ABCC6: variants seen among roughly 807,000 people sequenced by gnomAD.
ABCC6 encodes ATP binding cassette subfamily C member 6, also known as ATP-binding cassette sub-family C member 6.
Under a neutral mutation model 169.5 loss-of-function variants are expected in ABCC6, and 126 were observed. That is an observed-to-expected ratio of 0.74 (90% CI 0.64 to 0.86). The LOEUF (loss-of-function observed/expected upper bound fraction) is 0.86, where lower values mean the gene tolerates loss of function less well. ABCC6 is among the 40% of genes least tolerant of loss of function. ABCC6 has a pLI of 0.00. For missense variants in ABCC6, 1,733 were observed against 1,927.2 expected, an observed-to-expected ratio of 0.90 and a Z score of 1.89; for synonymous variants, 752 against 814.7, an observed-to-expected ratio of 0.92 and a Z score of 1.31.
intron 21 of ABCC6, among the ~76,000 whole-genome samples, chr16:16,170,707 C>G (rs1279079181): frequency 6.6e-6 from 1 of 151,882 alleles, no homozygotes; most frequent in Non-Finnish European, 1.5e-5. Context: ...CACCTGAGCT[C>G]AGGAGTTTGA....
chr16:16,176,530 C>A (rs1274550974), intron 19 of ABCC6, among the ~76,000 whole-genome samples: 7 of 152,248 alleles, frequency 4.6e-5, no homozygotes, highest in Non-Finnish European at 8.8e-5. Context: ...CTGACCAACA[C>A]AAACAGGCAA....
At chr16:16,216,272 C>A (rs895516073) in intron 4 of ABCC6, among the ~76,000 whole-genome samples, 3 of 151,856 alleles carry the variant, frequency 2.0e-5, no homozygotes, top group African/African-American at 4.8e-5. Flanking sequence ...ACTATAGTCA[C>A]CCTGTTGTGC....
chr16:16,173,290 G>C lies in ABCC6; in HGVS notation c.2781C>G (p.Tyr927Ter). The change falls in exon 21 of 31, where the codon TAC becomes TAG. Residue 927 changes from tyrosine (Y) to a stop codon, truncating the protein, a stop_gained. Transcript: ENST00000205557. LOFTEE classifies it high-confidence loss of function. ...GGGTGAAGCTGGTGGTTACCCTGCC[G>C]TATTGGATGCTGTCCTTTCCTGCTG... ...GWPAGKDSIQ[Y>*]GRVKATVHLA... The C allele has an allele frequency of 6.2e-7, 1 of 1,613,972 alleles. No individual in the cohort carries two copies. The highest frequency in any genetic ancestry group is 8.5e-7 in the Non-Finnish European group (1 of 1,180,012).
At position 16,190,256 on chromosome 16, in the gene ABCC6, G is replaced by C. The variant is rs917761949; in HGVS notation, c.1543C>G (p.Leu515Val). ...GWEGAFLDRV[L>V]GIRGQELGAL... The stretch of plus-strand genomic sequence containing the variant: ...CCCAGCTCCTGGCCTCGGATGCCCA[G>C]GACTCTGTCCAGAAAGGCTCCCTCC... Residue 515 changes from leucine (L) to valine (V), a missense_variant, in exon 12 of 31, where the codon CTG becomes GTG. Physicochemically the swap from Leu to Val is conservative, Grantham distance 32. Coordinates refer to ENST00000205557, the MANE Select transcript of ABCC6 (RefSeq NM_001171.6). 2 of 1,614,012 alleles carry C rather than the reference G, an allele frequency of 1.2e-6. No homozygotes were observed. Among genetic ancestry groups the C allele is most frequent in the Non-Finnish European group, 1.7e-6 (2 of 1,180,034 alleles).
chr16:16,188,352 A>G (rs929876405), intron 13 of ABCC6, among the ~76,000 whole-genome samples: 26 of 152,082 alleles, frequency 1.7e-4, no homozygotes, highest in African/African-American at 6.0e-4. Context: ...AGATTGCACC[A>G]CTGCACTCCA....
intron 7 of ABCC6, among the ~76,000 whole-genome samples, chr16:16,206,722 C>T (rs544248081): frequency 6.6e-6 from 1 of 152,094 alleles, no homozygotes; most frequent in African/African-American, 2.4e-5. Context: ...TGTTTCTACC[C>T]TTTAGTTCTA....
At chr16:16,157,504 G>A (rs1260125766) in intron 27 of ABCC6, among the ~76,000 whole-genome samples, 159 bp downstream of exon 27, 1 of 152,160 alleles carries the variant, frequency 6.6e-6, no homozygotes, top group Non-Finnish European at 1.5e-5. Context: ...CAGGTTTGGG[G>A]AAGGTGAGGA....
chr16:16,192,640 A>T (rs1157257873), intron 11 of ABCC6, among the ~76,000 whole-genome samples, 190 bp downstream of exon 11: 1 of 152,126 alleles, frequency 6.6e-6, no homozygotes, highest in African/African-American at 2.4e-5. Flanking sequence ...CATTGGAGGG[A>T]CGGAGCCACT....
chr16:16,160,840 CAT>C (rs1309032905), intron 25 of ABCC6, among the ~76,000 whole-genome samples: 1 of 152,020 alleles, frequency 6.6e-6, no homozygotes, highest in African/African-American at 2.4e-5. Flanking sequence ...CGAACAAAAA[CAT>C]ATAAAGCTCT....
intron 1 of ABCC6, chr16:16,222,986 T>C (rs2049122634): frequency 4.5e-6 from 1 of 219,950 alleles, no homozygotes; most frequent in African/African-American, 2.4e-5. Flanking sequence ...TCATTGCCAG[T>C]TTATTGCTTC....
At chr16:16,201,462 G>T (rs986892440) in intron 9 of ABCC6, among the ~76,000 whole-genome samples, 9 of 152,180 alleles carry the variant, frequency 5.9e-5, no homozygotes, top group Admixed American at 2.0e-4. Flanking sequence ...GGTGGGTGGG[G>T]GCCTGGAGTG....
chr16:16,216,180 C>A (rs1204356959), intron 4 of ABCC6, among the ~76,000 whole-genome samples: 4 of 152,218 alleles, frequency 2.6e-5, no homozygotes, highest in African/African-American at 9.6e-5. Context: ...CCTTGGCCTC[C>A]CAAAGTGCTG....
At chr16:16,204,813 G>A (rs2048342239) in intron 7 of ABCC6, among the ~76,000 whole-genome samples, 1 of 151,666 alleles carries the variant, frequency 6.6e-6, no homozygotes, top group East Asian at 1.9e-4. Flanking sequence ...AAGGTTATCA[G>A]TAATTTCTTT....
chr16:16,194,914 A>G (rs956414607), intron 10 of ABCC6, among the ~76,000 whole-genome samples: 6 of 152,040 alleles, frequency 3.9e-5, no homozygotes, highest in African/African-American at 1.2e-4. Flanking sequence ...TCCTGGCCTC[A>G]AGTGATCCAC....
At chr16:16,194,623 C>T (rs933186327) in intron 10 of ABCC6, among the ~76,000 whole-genome samples, 1 of 152,184 alleles carries the variant, frequency 6.6e-6, no homozygotes, top group Non-Finnish European at 1.5e-5. Flanking sequence ...AAGCCCCACC[C>T]CAACTCCAGT....
At chr16:16,155,052 AGGCCTG>A in intron 27 of ABCC6, 21 bp from the exon 28 acceptor site, 1 of 1,547,180 alleles carries the variant, frequency 6.5e-7, no homozygotes. Context: ...TTGGGAGGAA[AGGCCTG>A]CTCTGACCAG....
Position 16,150,100 on chromosome 16 carries a change from T to A in ABCC6, c.*33A>T. 1 of 1,611,178 alleles carries A rather than the reference T, an allele frequency of 6.2e-7. No individual in the cohort carries two copies. Among genetic ancestry groups the A allele is most frequent in the Non-Finnish European group, 8.5e-7 (1 of 1,179,682 alleles). ...CTCCAGCACTGCAGGCTGTGCGGGC[T>A]GGTCCAACTGGGGTACGGTTGAGGG... On this transcript the variant is annotated 3_prime_UTR_variant, in exon 31 of 31. Transcript: ENST00000205557.
intron 22 of ABCC6, 114 bp from the exon 23 acceptor site, chr16:16,166,047 AC>A: frequency 9.5e-7 from 1 of 1,054,474 alleles, no homozygotes; most frequent in Non-Finnish European, 1.4e-6. Context: ...TGGCTTGGCC[AC>A]CCTGATTATT....
chr16:16,161,232 C>A (rs938418805), intron 25 of ABCC6, among the ~76,000 whole-genome samples: 4 of 152,256 alleles, frequency 2.6e-5, no homozygotes, highest in Non-Finnish European at 5.9e-5. Flanking sequence ...CACACTGACA[C>A]TCCACAAGGA....
Sources: gnomAD v4.1 joint callset for allele counts (sites outside exome capture counted in the v4.1 genomes callset) on GRCh38, gnomAD v4.1.1 for gene constraint, MANE v1.5 for transcripts, NCBI Gene and HGNC (gene_info 2026-07-23, HGNC 2026-07-21) for gene names.